The following OPHN1 variants were observed in gnomAD, a reference collection of about 807,000 sequenced individuals.
OPHN1 encodes the protein oligophrenin-1.
OPHN1 carries 11 observed loss-of-function variants against 60.7 expected under a neutral mutation model. The ratio of observed to expected loss-of-function variants is 0.18; its 90% CI spans 0.11 to 0.30. OPHN1 has a LOEUF of 0.30. OPHN1 is among the 10% of genes least tolerant of loss of function. OPHN1 has a pLI of 1.00. For synonymous variants in OPHN1, 226 were observed against 222.6 expected, an observed-to-expected ratio of 1.02 and a Z score of -0.14; for missense variants, 449 against 611.0, an observed-to-expected ratio of 0.73 and a Z score of 2.80.
chrX:68,217,286 G>T (rs372354343), intron 6 of OPHN1, among the ~76,000 whole-genome samples: 1 of 112,066 alleles, frequency 8.9e-6, no homozygotes, highest in Admixed American at 9.4e-5. Flanking sequence ...CTACGCCCAC[G>T]CAGTCTCGCT....
At chrX:68,418,607 A>C (rs932670473) in intron 2 of OPHN1, among the ~76,000 whole-genome samples, 3 of 111,521 alleles carry the variant, frequency 2.7e-5, no homozygotes, top group Non-Finnish European at 5.7e-5. Context: ...TATAGTAAAA[A>C]ATTTTCCACC....
intron 15 of OPHN1, among the ~76,000 whole-genome samples, chrX:68,144,886 A>C (rs900704233): frequency 3.6e-5 from 4 of 112,122 alleles, no homozygotes; most frequent in African/African-American, 1.3e-4. Flanking sequence ...GGATCATTTC[A>C]TGACTCGTAA....
At chrX:68,208,698 G>A (rs1051385828) in intron 9 of OPHN1, among the ~76,000 whole-genome samples, 7 of 111,849 alleles carry the variant, frequency 6.3e-5, no homozygotes, top group African/African-American at 1.6e-4. Context: ...GAATACTGAA[G>A]CACAGAAGGA....
At chrX:68,229,028 C>A (rs12848230) in intron 6 of OPHN1, among the ~76,000 whole-genome samples, 2 of 111,264 alleles carry the variant, frequency 1.8e-5, no homozygotes, top group African/African-American at 3.3e-5. Flanking sequence ...ATCTCAGCCC[C>A]AAATCTCCTT....
rs992365532 is a variant in OPHN1 at position 68,073,226 on chromosome X, T to G, written c.1760A>C (p.Lys587Thr). Residue 587 changes from lysine to threonine, a missense_variant, in exon 20 of 25, where the codon AAA (lysine) becomes ACA (threonine). Lys to Thr is a moderately conservative substitution (Grantham distance 78). Around this residue, in one of 4 missense-constraint regions of OPHN1, gnomAD observed 166 missense variants for 278.4 expected, o/e 0.60. Coordinates refer to ENST00000355520, the MANE Select transcript of OPHN1 (RefSeq NM_002547.3). ...CAAGCGCTTTGAAATCGTGATTGGTTTGTGCCTTCTTGCTGTCACCCGAGG... is the reference window on the plus strand; with the variant it reads ...CAAGCGCTTTGAAATCGTGATTGGTGTGTGCCTTCTTGCTGTCACCCGAGG... The part of the protein sequence containing the change: ...PPPRVTARRH[K>T]PITISKRLLR... The G allele has an allele frequency of 8.3e-7, 1 of 1,211,657 alleles. No homozygotes were observed. Among genetic ancestry groups the G allele is most frequent in the Non-Finnish European group, 1.1e-6 (1 of 895,285 alleles).
At chrX:68,112,159 A>G (rs1249692593) in intron 17 of OPHN1, among the ~76,000 whole-genome samples, 200 bp from the exon 18 acceptor site, 1 of 110,320 alleles carries the variant, frequency 9.1e-6, no homozygotes, top group Non-Finnish European at 1.9e-5. Flanking sequence ...ATGAAAAGAG[A>G]CAGAGAGATA....
chrX:68,122,446 T>G (rs913804086), intron 15 of OPHN1, among the ~76,000 whole-genome samples: 2 of 111,313 alleles, frequency 1.8e-5, no homozygotes, highest in Admixed American at 1.9e-4. Context: ...CAGATGAACA[T>G]TCACAAGCAT....
intron 15 of OPHN1, among the ~76,000 whole-genome samples, chrX:68,169,290 G>C (rs1436237384): frequency 9.0e-5 from 10 of 110,763 alleles, no homozygotes; most frequent in African/African-American, 2.6e-4. Flanking sequence ...AGGATACAAA[G>C]AAATGGAAGA....
At chrX:68,345,161 CTT>C (rs994704551) in intron 2 of OPHN1, among the ~76,000 whole-genome samples, 1 of 112,334 alleles carries the variant, frequency 8.9e-6, no homozygotes. Context: ...GTAGAAGACA[CTT>C]GAGAGAGATC....
At chrX:68,065,852 C>T in intron 20 of OPHN1, among the ~76,000 whole-genome samples, 1 of 112,164 alleles carries the variant, frequency 8.9e-6, no homozygotes, top group Non-Finnish European at 1.9e-5. Context: ...GGAAGTCTTG[C>T]TGCAAAGGTT....
rs928545419 is a variant in OPHN1 at position 68,408,235 on chromosome X, C to G, written c.154+24632G>C. ...TATTGAACTCTACATAAAATAGACA[C>G]AAAGCACAATGCTTTATAGGCCTTA... is the stretch of plus-strand genomic sequence containing the variant. On this transcript the variant is annotated intron_variant, in intron 2 of 24. Coordinates refer to ENST00000355520, the MANE Select transcript of OPHN1 (RefSeq NM_002547.3). Among the ~76,000 whole-genome samples, 31 of 112,524 alleles carry G rather than the reference C, an allele frequency of 2.8e-4. 1 individual carries two copies. The highest frequency in any genetic ancestry group is 1.1e-3 in the East Asian group (4 of 3,605).
intron 2 of OPHN1, among the ~76,000 whole-genome samples, chrX:68,415,882 G>T (rs1212763995): frequency 9.2e-6 from 1 of 108,115 alleles, no homozygotes; most frequent in African/African-American, 3.4e-5. Flanking sequence ...AGGTGTAATG[G>T]TGAATACCTG....
chrX:68,309,564 G>A (rs1463553805), intron 2 of OPHN1, among the ~76,000 whole-genome samples: 2 of 111,846 alleles, frequency 1.8e-5, no homozygotes, highest in African/African-American at 6.5e-5. Flanking sequence ...TTCTATATTT[G>A]CAAATTTGCC....
chrX:68,164,242 G>C (rs758346977), intron 15 of OPHN1, among the ~76,000 whole-genome samples: 2 of 112,009 alleles, frequency 1.8e-5, no homozygotes, highest in Non-Finnish European at 3.8e-5. Context: ...CATCTACAAT[G>C]GTGAACCCTT....
At chrX:68,181,266 G>A (rs562513951) in intron 15 of OPHN1, among the ~76,000 whole-genome samples, 7 of 110,818 alleles carry the variant, frequency 6.3e-5, no homozygotes, top group South Asian at 3.8e-4. Flanking sequence ...TCCCTCTGCC[G>A]TTTCTCATTG....
chrX:68,258,637 C>T (rs759098309), intron 5 of OPHN1, among the ~76,000 whole-genome samples: 53 of 109,280 alleles, frequency 4.8e-4, no homozygotes, highest in Non-Finnish European at 7.8e-4. Context: ...TGTATATGTG[C>T]CACATTATTT....
chrX:68,413,952 T>A (rs1018434470), intron 2 of OPHN1, among the ~76,000 whole-genome samples: 2 of 111,627 alleles, frequency 1.8e-5, no homozygotes, highest in African/African-American at 6.5e-5. Flanking sequence ...GGGAAGAATA[T>A]GTGTTAAGAA....
At chrX:68,149,840 C>T (rs2077278239) in intron 15 of OPHN1, among the ~76,000 whole-genome samples, 1 of 110,708 alleles carries the variant, frequency 9.0e-6, no homozygotes, top group African/African-American at 3.3e-5. Context: ...CAAACAAGTA[C>T]ATGGACATTG....
chrX:68,151,367 C>G (rs1451894922), intron 15 of OPHN1, among the ~76,000 whole-genome samples: 2 of 111,933 alleles, frequency 1.8e-5, no homozygotes, highest in South Asian at 3.8e-4. Context: ...GGAGAGCATG[C>G]CTTTCCAGTC....
Sources: allele counts gnomAD v4.1 joint callset (sites outside exome capture counted in the v4.1 genomes callset), GRCh38; gene constraint gnomAD v4.1.1; regional missense constraint gnomAD v4.1.1; transcripts MANE v1.5; gene names NCBI Gene and HGNC (gene_info 2026-07-23, HGNC 2026-07-21).